The following FAAH2 variants were observed in gnomAD, a reference collection of about 807,000 sequenced individuals.
FAAH2 encodes fatty-acid amide hydrolase 2.
FAAH2 carries 60 observed loss-of-function variants against 36.9 expected under a neutral mutation model. That is an observed-to-expected ratio of 1.63 (90% confidence interval 1.32 to 2.02). The LOEUF is 2.02. FAAH2 is among the 30% of genes most tolerant of loss of function. The pLI is 0.00. For synonymous variants in FAAH2, 214 were observed against 143.8 expected, an observed-to-expected ratio of 1.49 and a Z score of -3.49; for missense variants, 689 against 397.5, an observed-to-expected ratio of 1.73 and a Z score of -6.23.
At chrX:57,273,258 T>G in the FAAH2 span, among the ~76,000 whole-genome samples, 1 of 111,557 alleles carries the variant, frequency 9.0e-6, no homozygotes, top group African/African-American at 3.3e-5. Flanking sequence ...CACATATTAA[T>G]AAAGCAAGTT....
chrX:57,473,412 T>C (rs1304827607), intron 10 of FAAH2, among the ~76,000 whole-genome samples: 1 of 111,768 alleles, frequency 8.9e-6, no homozygotes, highest in Non-Finnish European at 1.9e-5. Context: ...ATTTTACCTT[T>C]TTGAATGCGT....
chrX:57,299,348 C>A (rs986092318), intron 2 of FAAH2, among the ~76,000 whole-genome samples: 65 of 111,859 alleles, frequency 5.8e-4, no homozygotes, highest in Non-Finnish European at 1.1e-3. Context: ...GAACCAAAGA[C>A]AAAAACCACA....
intron 8 of FAAH2, among the ~76,000 whole-genome samples, chrX:57,434,224 C>T (rs1008292904): frequency 4.6e-5 from 5 of 108,013 alleles, no homozygotes; most frequent in East Asian, 5.8e-4. Context: ...TACAAGCACA[C>T]GCCACAACAC....
At chrX:57,284,100 G>A (rs2051778314), upstream of FAAH2, among the ~76,000 whole-genome samples, 2 of 112,130 alleles carry the variant, frequency 1.8e-5, no homozygotes, top group African/African-American at 6.5e-5. Context: ...GCTCCCTCTG[G>A]GAGCTCTGTC....
At chrX:57,367,902 C>A (rs1007095836) in intron 5 of FAAH2, among the ~76,000 whole-genome samples, 1 of 111,766 alleles carries the variant, frequency 8.9e-6, no homozygotes, top group South Asian at 3.8e-4. Flanking sequence ...CATTTGCCCC[C>A]GTTCTTATTT....
intron 8 of FAAH2, among the ~76,000 whole-genome samples, chrX:57,445,683 C>T (rs1404428497): frequency 8.9e-6 from 1 of 112,021 alleles, no homozygotes; most frequent in Non-Finnish European, 1.9e-5. Flanking sequence ...TTTACTATAG[C>T]TACGCTGGTA....
intron 5 of FAAH2, among the ~76,000 whole-genome samples, chrX:57,373,144 G>T (rs996666941): frequency 9.0e-6 from 1 of 111,318 alleles, no homozygotes; most frequent in Non-Finnish European, 1.9e-5. Flanking sequence ...ATGGGGATTT[G>T]GGCTGGTTCC....
At chrX:57,322,059 C>T (rs1292281345) in intron 3 of FAAH2, among the ~76,000 whole-genome samples, 11 of 107,211 alleles carry the variant, frequency 1.0e-4, no homozygotes, top group East Asian at 2.9e-4. Flanking sequence ...TTTTTTGAGA[C>T]GGAGTCTCGC....
intron 7 of FAAH2, among the ~76,000 whole-genome samples, chrX:57,384,385 G>A (rs1355604337): frequency 3.9e-5 from 4 of 103,475 alleles, no homozygotes; most frequent in Non-Finnish European, 8.1e-5. Flanking sequence ...GAGTGAACAG[G>A]CAACCTACAG....
intron 10 of FAAH2, among the ~76,000 whole-genome samples, chrX:57,457,143 C>T (rs905017141): frequency 1.8e-5 from 2 of 111,643 alleles, no homozygotes; most frequent in African/African-American, 6.5e-5. Flanking sequence ...GGTTGATTCA[C>T]CATACAGAAA....
At chrX:57,196,333 T>A in the FAAH2 span, among the ~76,000 whole-genome samples, 2 of 110,417 alleles carry the variant, frequency 1.8e-5, no homozygotes, top group African/African-American at 6.6e-5. Context: ...ATTGTGAAAG[T>A]GATTGAGTTC....
At chrX:57,265,202 A>T in the FAAH2 span, among the ~76,000 whole-genome samples, 1 of 111,745 alleles carries the variant, frequency 8.9e-6, no homozygotes, top group Non-Finnish European at 1.9e-5. Context: ...CCACTCAGGC[A>T]TGCACGAGAC....
chrX:57,442,937 C>T (rs1219821380), intron 8 of FAAH2, among the ~76,000 whole-genome samples: 1 of 111,121 alleles, frequency 9.0e-6, no homozygotes, highest in Non-Finnish European at 1.9e-5. Context: ...GAATATTGGC[C>T]CCCACTCTCT....
At chrX:57,345,660 C>T (rs767308356) in intron 5 of FAAH2, among the ~76,000 whole-genome samples, 7 of 111,339 alleles carry the variant, frequency 6.3e-5, no homozygotes, top group Non-Finnish European at 1.3e-4. Flanking sequence ...ATATTTTCTA[C>T]TGCAAGCTTT....
At chrX:57,439,747 A>C (rs767615609) in intron 8 of FAAH2, among the ~76,000 whole-genome samples, 1 of 111,990 alleles carries the variant, frequency 8.9e-6, no homozygotes, top group South Asian at 3.7e-4. Context: ...CTAACGTTTA[A>C]GTCTTTAATC....
chrX:57,320,056 T>G (rs1473699377), intron 3 of FAAH2, among the ~76,000 whole-genome samples: 1 of 111,796 alleles, frequency 8.9e-6, no homozygotes, highest in Non-Finnish European at 1.9e-5. Flanking sequence ...CTTAAAACCA[T>G]AAAAACCCTA....
chrX:57,229,034 A>G, the FAAH2 span: 2 of 111,668 alleles, frequency 1.8e-5, no homozygotes, highest in Non-Finnish European at 1.9e-5. Context: ...CAGTTCTGCT[A>G]TGGAAGAAGC....
chrX:57,250,772 A>G, the FAAH2 span, among the ~76,000 whole-genome samples: 1 of 110,813 alleles, frequency 9.0e-6, no homozygotes, highest in African/African-American at 3.3e-5. Context: ...AATAAAAAAA[A>G]AACTAAGAAA....
chrX:57,249,385 T>G, the FAAH2 span, among the ~76,000 whole-genome samples: 1 of 112,234 alleles, frequency 8.9e-6, no homozygotes, highest in African/African-American at 3.2e-5. Flanking sequence ...GATAAAATAA[T>G]GAAGGCATTC....
Sources: gnomAD v4.1 joint callset for allele counts (sites outside exome capture counted in the v4.1 genomes callset) on GRCh38, gnomAD v4.1.1 for gene constraint, MANE v1.5 for transcripts, NCBI Gene and HGNC (gene_info 2026-07-23, HGNC 2026-07-21) for gene names.